The following EXOC6B variants were observed in gnomAD, a reference collection of about 807,000 sequenced individuals.
The protein encoded by EXOC6B is exocyst complex component 6B.
In EXOC6B, 54 loss-of-function variants were observed where a neutral mutation model predicts 113.5. That is an observed-to-expected ratio of 0.48 (90% confidence interval 0.38 to 0.60). The LOEUF (loss-of-function observed/expected upper bound fraction) is 0.60, where lower values mean the gene tolerates loss of function less well. EXOC6B is among the 20% of genes least tolerant of loss of function. The pLI is 0.00. For missense variants in EXOC6B, 797 were observed against 977.5 expected (o/e 0.82, Z 2.46); for synonymous variants, 357 against 339.0 (o/e 1.05, Z -0.58).
intron 21 of EXOC6B, among the ~76,000 whole-genome samples, chr2:72,182,687 G>A (rs1225017236): frequency 6.6e-6 from 1 of 152,136 alleles, no homozygotes; most frequent in East Asian, 1.9e-4. Context: ...CAGCCCCAAA[G>A]GAATTAGTAA....
chr2:72,326,016 T>C (rs1688106447), intron 20 of EXOC6B, among the ~76,000 whole-genome samples: 1 of 152,112 alleles, frequency 6.6e-6, no homozygotes, highest in African/African-American at 2.4e-5. Flanking sequence ...GGACCTTTGG[T>C]GTCACTCTCT....
chr2:72,727,059 CT>C (rs916342773), intron 5 of EXOC6B, among the ~76,000 whole-genome samples: 1 of 152,102 alleles, frequency 6.6e-6, no homozygotes, highest in African/African-American at 2.4e-5. Context: ...ACCTAGTCCC[CT>C]ATCCCAGGGG....
Position 72,492,316 on chromosome 2 carries a change from A to G in EXOC6B, c.1665+2T>C. 1 of 1,597,708 alleles carries G rather than the reference A, an allele frequency of 6.3e-7. No individual in the cohort carries two copies. The highest frequency in any genetic ancestry group is 8.6e-7 in the Non-Finnish European group (1 of 1,165,582). ...GGCTGCCTTCATTAGGAGCAGGTTT[A>G]CCTCAGTAAGCCCAATATTCTTCCT... On this transcript the variant is annotated splice_donor_variant, in intron 16 of 21. Transcript: ENST00000272427. LOFTEE classifies it high-confidence loss of function.
chr2:72,540,131 T>A (rs959055163), intron 8 of EXOC6B, among the ~76,000 whole-genome samples: 2 of 152,060 alleles, frequency 1.3e-5, no homozygotes, highest in African/African-American at 4.8e-5. Context: ...GAACTCATCA[T>A]TTTTTATGGC....
chr2:72,189,854 C>CT (rs1678708316), intron 20 of EXOC6B, among the ~76,000 whole-genome samples: 1 of 92,448 alleles, frequency 1.1e-5, no homozygotes, highest in African/African-American at 7.8e-5. Flanking sequence ...CTTTCTCCTT[C>CT]TTCTTCTTTT....
Position 72,260,309 on chromosome 2 carries a change from A to G in EXOC6B, c.2196+74638T>C, listed in dbSNP as rs144090806. 4.7e-3 allele frequency among the ~76,000 whole-genome samples: 723 copies of G among 152,290 alleles called. 9 individuals carry two copies. The highest frequency in any genetic ancestry group is 0.016 in the African/African-American group (667 of 41,552). On this transcript the variant is annotated intron_variant, in intron 20 of 21. Transcript: ENST00000272427. ...GAACTTCCAGCGATATCACAGGGTG[A>G]GGTGAGGTTGATGAGGGCATTAAGA... is the stretch of plus-strand genomic sequence containing the variant.
At chr2:72,667,647 G>A (rs1198020172) in intron 6 of EXOC6B, among the ~76,000 whole-genome samples, 1 of 152,110 alleles carries the variant, frequency 6.6e-6, no homozygotes, top group Non-Finnish European at 1.5e-5. Context: ...TCAATAAATG[G>A]TACTGGGATA....
At chr2:72,731,444 A>G (rs1343096728) in intron 3 of EXOC6B, among the ~76,000 whole-genome samples, 199 bp from the exon 4 acceptor site, 1 of 152,210 alleles carries the variant, frequency 6.6e-6, no homozygotes, top group African/African-American at 2.4e-5. Flanking sequence ...CCCAAGATAC[A>G]TACAATACTA....
chr2:72,358,496 A>G (rs1395430490), intron 19 of EXOC6B, among the ~76,000 whole-genome samples: 1 of 152,206 alleles, frequency 6.6e-6, no homozygotes, highest in Non-Finnish European at 1.5e-5. Context: ...ATTACTGAGC[A>G]TTTACAATAG....
intron 6 of EXOC6B, among the ~76,000 whole-genome samples, chr2:72,634,032 G>GA (rs1442135859): frequency 1.3e-4 from 20 of 151,446 alleles, no homozygotes; most frequent in African/African-American, 4.9e-4. Flanking sequence ...GATCCAGATG[G>GA]GAAAAAAAAA....
Position 72,338,910 on chromosome 2 carries a change from C to CACACATACACATACACATACACAT in EXOC6B, c.2123-3914_2123-3891dup, listed in dbSNP as rs70963125. ...CCTGAGAGAAGGAAATGGAAGAACACACACATACACATACACATACACATA... is the reference window on the plus strand; with the variant it reads ...CCTGAGAGAAGGAAATGGAAGAACACACACATACACATACACATACACATACACATACACATACACATACACATA... On this transcript the variant is annotated intron_variant, in intron 19 of 21. Coordinates refer to ENST00000272427, the MANE Select transcript of EXOC6B (RefSeq NM_015189.3). Among the ~76,000 whole-genome samples the CACACATACACATACACATACACAT allele has an allele frequency of 4.1e-3, 581 of 142,516 alleles. 7 individuals carry two copies. Among genetic ancestry groups the CACACATACACATACACATACACAT allele is most frequent in the African/African-American group, 0.013 (511 of 38,392 alleles). 93.5% of individuals were successfully genotyped at this position (142,516 alleles called of 152,430 possible). A position where few individuals can be genotyped will look rare whatever the true frequency, so the allele number is the denominator to read the frequency against.
intron 6 of EXOC6B, among the ~76,000 whole-genome samples, chr2:72,642,342 C>T (rs1309234713): frequency 1.4e-5 from 2 of 139,950 alleles, no homozygotes; most frequent in Middle Eastern, 3.5e-3. Context: ...CTGGAGGCAT[C>T]ACACTACCTG....
intron 5 of EXOC6B, among the ~76,000 whole-genome samples, chr2:72,730,753 T>C (rs551513839): frequency 7.2e-5 from 11 of 152,254 alleles, no homozygotes; most frequent in Admixed American, 2.0e-4. Context: ...AATAGGTATA[T>C]GCTTTTCCCT....
intron 6 of EXOC6B, among the ~76,000 whole-genome samples, chr2:72,644,184 A>G (rs1182730438): frequency 6.6e-6 from 1 of 152,230 alleles, no homozygotes; most frequent in African/African-American, 2.4e-5. Context: ...ATCAAGTGGA[A>G]GAAAGGGTAT....
chr2:72,451,670 G>GTGTGTGTA (rs1276804198), intron 18 of EXOC6B, among the ~76,000 whole-genome samples: 2 of 151,844 alleles, frequency 1.3e-5, no homozygotes, highest in Non-Finnish European at 2.9e-5. Context: ...GTGTGTGTGT[G>GTGTGTGTA]TGTGTGTGTG....
intron 18 of EXOC6B, among the ~76,000 whole-genome samples, chr2:72,441,679 A>C (rs1159833967): frequency 6.6e-6 from 1 of 152,184 alleles, no homozygotes; most frequent in Non-Finnish European, 1.5e-5. Flanking sequence ...ACACCCTCAC[A>C]AGACTAAACC....
intron 11 of EXOC6B, among the ~76,000 whole-genome samples, chr2:72,506,994 TAAGTG>T (rs1465960682): frequency 6.6e-6 from 1 of 152,096 alleles, no homozygotes; most frequent in African/African-American, 2.4e-5. Context: ...CTAAATTTAC[TAAGTG>T]AAGTAGATTA....
intron 20 of EXOC6B, among the ~76,000 whole-genome samples, chr2:72,185,798 T>C (rs1678390133): frequency 6.6e-6 from 1 of 151,656 alleles, no homozygotes; most frequent in Non-Finnish European, 1.5e-5. Context: ...AACGTGCAGG[T>C]TTGTTACATA....
intron 20 of EXOC6B, among the ~76,000 whole-genome samples, chr2:72,238,420 G>T (rs749704359): frequency 6.6e-6 from 1 of 152,176 alleles, no homozygotes; most frequent in Non-Finnish European, 1.5e-5. Context: ...TATATACATA[G>T]GAATGGAATT....
Sources: gnomAD v4.1 joint callset for allele counts (sites outside exome capture counted in the v4.1 genomes callset) on GRCh38, gnomAD v4.1.1 for gene constraint, MANE v1.5 for transcripts, NCBI Gene and HGNC (gene_info 2026-07-23, HGNC 2026-07-21) for gene names.